Variants in DCTN4 observed in about 807,000 individuals in gnomAD.
DCTN4 encodes the protein dynactin 4 (p62).
DCTN4 carries 23 observed loss-of-function variants against 62.7 expected under a neutral mutation model. That is an observed-to-expected ratio of 0.37 (90% CI 0.26 to 0.52). The LOEUF is 0.52. Among genes scored for constraint, DCTN4 ranks in the 20% least tolerant of loss-of-function variants. DCTN4 has a pLI of 0.92. For missense variants in DCTN4, 514 were observed against 580.4 expected, an observed-to-expected ratio of 0.89 and a Z score of 1.18; for synonymous variants, 199 against 202.1, an observed-to-expected ratio of 0.98 and a Z score of 0.13.
intron 3 of DCTN4, among the ~76,000 whole-genome samples, chr5:150,745,349 T>C (rs1441173268): frequency 6.6e-6 from 1 of 151,486 alleles, no homozygotes; most frequent in African/African-American, 2.4e-5. Flanking sequence ...ATGGGAGACT[T>C]TAACACCCCA....
chr5:150,739,552 C>T (rs1760698843), intron 4 of DCTN4, among the ~76,000 whole-genome samples: 1 of 152,166 alleles, frequency 6.6e-6, no homozygotes, highest in South Asian at 2.1e-4. Flanking sequence ...ATACCATCAT[C>T]ATTCTTCACA....
At chr5:150,742,708 T>A (rs1760811159) in intron 3 of DCTN4, 1 of 154,046 alleles carries the variant, frequency 6.5e-6, no homozygotes, top group Non-Finnish European at 1.4e-5. Flanking sequence ...TGAACACTTT[T>A]AACAAATGGT....
intron 3 of DCTN4, among the ~76,000 whole-genome samples, chr5:150,750,301 T>C (rs1258297441): frequency 2.0e-5 from 3 of 152,142 alleles, no homozygotes; most frequent in Non-Finnish European, 4.4e-5. Context: ...ACCATCAGTC[T>C]GGAAAAATTT....
In DCTN4 at chr5:150,758,846, G is replaced by A; in HGVS notation, c.135+13C>T. 6.2e-7 allele frequency: 1 copy of A among 1,613,804 alleles called. No homozygotes were observed. The highest frequency in any genetic ancestry group is 8.5e-7 in the Non-Finnish European group (1 of 1,179,898). ...CCCCACCCCACATACTCGCTATAGGGCGACTCTGTTACCTCGTGAGACACA... is the reference window on the plus strand; with the variant it reads ...CCCCACCCCACATACTCGCTATAGGACGACTCTGTTACCTCGTGAGACACA... On this transcript the variant is annotated intron_variant, in intron 1 of 12. Coordinates refer to ENST00000447998, the MANE Select transcript of DCTN4 (RefSeq NM_016221.4).
chr5:150,714,997 T>C (rs1759702497), intron 12 of DCTN4, among the ~76,000 whole-genome samples: 2 of 152,226 alleles, frequency 1.3e-5, no homozygotes. Context: ...CTTTTTAAGT[T>C]ACACAAGTGA....
chr5:150,752,425 C>T (rs1433026), intron 3 of DCTN4, among the ~76,000 whole-genome samples: 89,776 of 152,022 alleles, frequency 0.59, 28,909 homozygotes, highest in African/African-American at 0.86. Flanking sequence ...TATATATATA[C>T]GTAAAAGTTT....
At chr5:150,713,430 T>TTTTTC (rs1480487128) in intron 12 of DCTN4, among the ~76,000 whole-genome samples, 2 of 151,534 alleles carry the variant, frequency 1.3e-5, no homozygotes, top group South Asian at 2.1e-4. Context: ...CTTCACTTTA[T>TTTTTC]TTTTCTTTTC....
intron 8 of DCTN4, among the ~76,000 whole-genome samples, chr5:150,725,157 CAAAAAA>C (rs966438340): frequency 5.6e-5 from 3 of 53,380 alleles, no homozygotes; most frequent in Non-Finnish European, 1.3e-4. Flanking sequence ...GACTCCGTCT[CAAAAAA>C]AAAAAAAAAA....
At chr5:150,741,404 G>A (rs1760765204) in intron 4 of DCTN4, among the ~76,000 whole-genome samples, 8 of 152,092 alleles carry the variant, frequency 5.3e-5, no homozygotes. Flanking sequence ...CTTATTCCTG[G>A]CCTCAAGCAA....
In DCTN4 at chr5:150,727,593, G is replaced by A. The variant is rs558259907; in HGVS notation, c.834+3038C>T. On this transcript the variant is annotated intron_variant, in intron 8 of 12. Coordinates refer to ENST00000447998, the MANE Select transcript of DCTN4 (RefSeq NM_016221.4). ...AGATCGAGACCATCCCGGCTAAAAC[G>A]GTGAAACCCCGTCTCTACTAAAAAT... is the stretch of plus-strand genomic sequence containing the variant. Among the ~76,000 whole-genome samples the A allele has an allele frequency of 4.6e-5, 7 of 151,726 alleles. 1 individual carries two copies. In the East Asian group the frequency reaches 9.7e-4, roughly 21 times the overall value.
At chr5:150,718,741 G>C (rs970513190) in intron 10 of DCTN4, among the ~76,000 whole-genome samples, 4 of 152,062 alleles carry the variant, frequency 2.6e-5, no homozygotes, top group African/African-American at 9.7e-5. Context: ...TAAAATATGG[G>C]AGCCACAGGC....
At chr5:150,745,383 G>A (rs1004237565) in intron 3 of DCTN4, among the ~76,000 whole-genome samples, 8 of 151,820 alleles carry the variant, frequency 5.3e-5, no homozygotes, top group African/African-American at 1.7e-4. Context: ...ACAGATCAAC[G>A]AGACAGAAAG....
At chr5:150,758,678 G>A (rs1183626573) in intron 1 of DCTN4, 181 bp downstream of exon 1, 1 of 1,294,000 alleles carries the variant, frequency 7.7e-7, no homozygotes, top group Middle Eastern at 2.4e-4. Context: ...TCCCACCCGA[G>A]GCTGCTCCTC....
In DCTN4 at chr5:150,744,195, G is replaced by A. The variant is rs182877340; in HGVS notation, c.386-2038C>T. ...AACTGGAAGAAAGGGTATCAGTGAC[G>A]GAAGATGAAATGAATGAAATGAAGC... On this transcript the variant is annotated intron_variant, in intron 3 of 12. Coordinates refer to ENST00000447998, the MANE Select transcript of DCTN4 (RefSeq NM_016221.4). Among the ~76,000 whole-genome samples, 17 of 152,166 alleles carry A rather than the reference G, an allele frequency of 1.1e-4. No homozygotes were observed. In the East Asian group the frequency reaches 2.1e-3, roughly 19 times the overall value.
In DCTN4 at chr5:150,711,330, C is replaced by A; in HGVS notation, c.1202G>T (p.Gly401Val). Residue 401 changes from glycine to valine, a missense_variant, in exon 13 of 13, where the codon GGT (glycine) becomes GTT (valine). Physicochemically the swap from Gly to Val is moderately radical, Grantham distance 109. Coordinates refer to ENST00000447998, the MANE Select transcript of DCTN4 (RefSeq NM_016221.4). Reference protein sequence around the residue: ...IIAFRKANKVGIFIKVTPQRE... With the variant: ...IIAFRKANKVVIFIKVTPQRE... The stretch of plus-strand genomic sequence containing the variant: ...CTGTGGTGTAACTTTGATGAAAATA[C>A]CCACTTTGTTGGCCTTTCTGAAGGC... 1.2e-6 allele frequency: 2 copies of A among 1,613,154 alleles called. No individual in the cohort carries two copies. Among genetic ancestry groups the A allele is most frequent in the Non-Finnish European group, 1.7e-6 (2 of 1,179,986 alleles).
At chr5:150,724,685 C>A (rs759199044) in intron 8 of DCTN4, among the ~76,000 whole-genome samples, 36 of 152,248 alleles carry the variant, frequency 2.4e-4, no homozygotes, top group Non-Finnish European at 4.6e-4. Flanking sequence ...ATTGCCTATT[C>A]TTTCCCCAAT....
At chr5:150,753,399 G>T (rs2113150577) in intron 3 of DCTN4, 80 bp downstream of exon 3, 1 of 1,324,978 alleles carries the variant, frequency 7.5e-7, no homozygotes, top group Non-Finnish European at 1.1e-6. Flanking sequence ...CGCCCCAACG[G>T]GTTACAGAAA....
intron 2 of DCTN4, 26 bp downstream of exon 2, chr5:150,756,391 A>G: frequency 7.4e-7 from 1 of 1,347,216 alleles, no homozygotes; most frequent in Non-Finnish European, 1.0e-6. Flanking sequence ...AAATAGGAAG[A>G]AAAAAAAAAT....
intron 8 of DCTN4, among the ~76,000 whole-genome samples, chr5:150,724,566 A>T (rs569168963): frequency 6.5e-4 from 99 of 152,350 alleles, no homozygotes; most frequent in Admixed American, 3.3e-3. Flanking sequence ...TCCTTCTAGA[A>T]GTTTGGCTCT....
Sources: allele counts gnomAD v4.1 joint callset (sites outside exome capture counted in the v4.1 genomes callset), GRCh38; gene constraint gnomAD v4.1.1; transcripts MANE v1.5; gene names NCBI Gene and HGNC (gene_info 2026-07-23, HGNC 2026-07-21).